The following DCC variants were observed in gnomAD, a reference collection of about 807,000 sequenced individuals.
DCC encodes the protein DCC netrin 1 receptor.
DCC carries 58 observed loss-of-function variants against 172.5 expected under a neutral mutation model. The ratio of observed to expected loss-of-function variants is 0.34; its 90% CI spans 0.27 to 0.42. DCC has a LOEUF of 0.42. Ranked by LOEUF, DCC falls within the 10% of genes least tolerant of loss-of-function variation. DCC has a pLI of 1.00. For missense variants in DCC, 1,740 were observed against 1,791.0 expected, an observed-to-expected ratio of 0.97 and a Z score of 0.51; for synonymous variants, 709 against 644.5, an observed-to-expected ratio of 1.10 and a Z score of -1.52.
At chr18:53,193,436 ATTAT>A (rs2055395764) in intron 9 of DCC, among the ~76,000 whole-genome samples, 1 of 152,136 alleles carries the variant, frequency 6.6e-6, no homozygotes, top group Non-Finnish European at 1.5e-5. Context: ...TAATTCATAT[ATTAT>A]TTATTATTAA....
intron 2 of DCC, among the ~76,000 whole-genome samples, chr18:52,894,424 T>A (rs935962326): frequency 1.3e-5 from 2 of 150,922 alleles, no homozygotes; most frequent in Non-Finnish European, 3.0e-5. Context: ...CACACATGCA[T>A]ACACACAATA....
intron 1 of DCC, among the ~76,000 whole-genome samples, chr18:52,493,287 C>G (rs1854786623): frequency 6.6e-6 from 1 of 151,942 alleles, no homozygotes; most frequent in Non-Finnish European, 1.5e-5. Flanking sequence ...TTGACTCTGG[C>G]AAGTAACATG....
intron 12 of DCC, among the ~76,000 whole-genome samples, chr18:53,254,275 T>G (rs188989959): frequency 2.2e-3 from 340 of 152,146 alleles, no homozygotes; most frequent in African/African-American, 7.9e-3. Context: ...GGGAATCCAC[T>G]CAGCACACTT....
chr18:52,765,199 A>ATTTTTTTTTTTTTT (rs369735420), intron 2 of DCC, among the ~76,000 whole-genome samples: 15 of 120,102 alleles, frequency 1.2e-4, no homozygotes, highest in South Asian at 5.3e-4. Context: ...ACTCCTGGCT[A>ATTTTTTTTTTTTTT]ATTTTTTTTT....
At chr18:52,942,731 C>G (rs540605754) in intron 5 of DCC, among the ~76,000 whole-genome samples, 3 of 152,318 alleles carry the variant, frequency 2.0e-5, no homozygotes, top group African/African-American at 7.2e-5. Flanking sequence ...CGCCAGGTCC[C>G]TCCCACAACA....
chr18:53,529,384 A>T (rs2046500717), intron 28 of DCC, among the ~76,000 whole-genome samples: 1 of 152,194 alleles, frequency 6.6e-6, no homozygotes, highest in South Asian at 2.1e-4. Flanking sequence ...GCCTATGCAG[A>T]GCTAGAAATC....
intron 1 of DCC, among the ~76,000 whole-genome samples, chr18:52,526,451 C>A (rs1366899762): frequency 6.6e-6 from 1 of 151,314 alleles, no homozygotes. Flanking sequence ...AGTTGGTAAA[C>A]AACAATTCAG....
At position 53,317,513 on chromosome 18, in the gene DCC, G is replaced by C. The variant is rs560030551; in HGVS notation, c.2054-4534G>C. 1.6e-4 allele frequency among the ~76,000 whole-genome samples: 24 copies of C among 152,232 alleles called. No individual in the cohort carries two copies. The South Asian group carries it at 1.7e-3, about 11-fold the overall frequency. On this transcript the variant is annotated intron_variant, in intron 13 of 28. Transcript: ENST00000442544. ...GCCTCATAAAATGAGTTAGAGAGGA[G>C]TCCCTCTTTTTCTGTTGTTTGGATG...
intron 8 of DCC, among the ~76,000 whole-genome samples, chr18:53,165,725 A>T (rs2054908544): frequency 6.6e-6 from 1 of 152,188 alleles, no homozygotes; most frequent in South Asian, 2.1e-4. Context: ...ATGAGCAAAT[A>T]TTGAATGTGA....
At chr18:52,497,344 C>CAT (rs11273813) in intron 1 of DCC, among the ~76,000 whole-genome samples, 16,192 of 33,370 alleles carry the variant, frequency 0.49, 3,351 homozygotes, top group Middle Eastern at 0.61. Flanking sequence ...CACACGTATG[C>CAT]ATATATATAT....
At chr18:53,076,395 A>G (rs547339639) in intron 7 of DCC, among the ~76,000 whole-genome samples, 2 of 152,198 alleles carry the variant, frequency 1.3e-5, no homozygotes, top group African/African-American at 4.8e-5. Context: ...ATTGATCTAG[A>G]CATATACTAG....
At chr18:52,638,313 C>T (rs12605106) in intron 1 of DCC, among the ~76,000 whole-genome samples, 14,204 of 151,912 alleles carry the variant, frequency 0.094, 788 homozygotes, top group East Asian at 0.17. Context: ...CAACAAAGAG[C>T]ATGATGAATG....
At chr18:53,067,618 A>G (rs1266533704) in intron 7 of DCC, among the ~76,000 whole-genome samples, 1 of 152,226 alleles carries the variant, frequency 6.6e-6, no homozygotes, top group Non-Finnish European at 1.5e-5. Flanking sequence ...AGAGACAAAA[A>G]TAAAAACAAA....
intron 2 of DCC, among the ~76,000 whole-genome samples, chr18:52,845,565 G>GT (rs1420695219): frequency 3.9e-5 from 6 of 152,158 alleles, no homozygotes; most frequent in Non-Finnish European, 8.8e-5. Context: ...CCAGCATCAG[G>GT]TAAGGCACAG....
chr18:53,283,681 C>T (rs1162483899), intron 12 of DCC, among the ~76,000 whole-genome samples: 2 of 152,112 alleles, frequency 1.3e-5, no homozygotes, highest in African/African-American at 4.8e-5. Context: ...AAAATTAAAA[C>T]ATAGGCCAGG....
intron 15 of DCC, among the ~76,000 whole-genome samples, chr18:53,382,935 T>C (rs1023895423): frequency 6.6e-6 from 1 of 152,182 alleles, no homozygotes; most frequent in Non-Finnish European, 1.5e-5. Flanking sequence ...TTTTTATAGA[T>C]GTCTATCAGA....
intron 12 of DCC, among the ~76,000 whole-genome samples, chr18:53,283,524 AATAGATAATAC>A (rs2056897231): frequency 6.6e-6 from 1 of 152,210 alleles, no homozygotes; most frequent in African/African-American, 2.4e-5. Flanking sequence ...AAGCAAAGAT[AATAGATAATAC>A]ATAGAAATAA....
At chr18:52,417,176 T>C (rs1001418580) in intron 1 of DCC, among the ~76,000 whole-genome samples, 2 of 152,098 alleles carry the variant, frequency 1.3e-5, no homozygotes. Flanking sequence ...AAAATTCTTT[T>C]CTTTAAGAAT....
intron 5 of DCC, among the ~76,000 whole-genome samples, chr18:53,010,658 C>T (rs1038933001): frequency 1.3e-5 from 2 of 150,390 alleles, no homozygotes; most frequent in Non-Finnish European, 3.0e-5. Context: ...AAGTAAGACA[C>T]ATTATATGTA....
Sources: gnomAD v4.1 joint callset for allele counts (sites outside exome capture counted in the v4.1 genomes callset) on GRCh38, gnomAD v4.1.1 for gene constraint, MANE v1.5 for transcripts, NCBI Gene and HGNC (gene_info 2026-07-23, HGNC 2026-07-21) for gene names.